Variants in WWC1 observed in about 807,000 individuals in gnomAD.
WWC1 encodes WW and C2 domain containing 1, also known as protein KIBRA.
WWC1 carries 55 observed loss-of-function variants against 138.4 expected under a neutral mutation model. The observed-to-expected ratio is 0.40, with a 90% confidence interval of 0.32 to 0.50. The LOEUF is 0.50. Among genes scored for constraint, WWC1 ranks in the 20% least tolerant of loss-of-function variants. The probability of loss-of-function intolerance (pLI) is 0.72; values close to 1 mark genes in which losing one functional copy is unlikely to be tolerated. For missense variants in WWC1, 1,226 were observed against 1,420.4 expected (o/e 0.86, Z 2.20); for synonymous variants, 524 against 564.9 (o/e 0.93, Z 1.03).
In WWC1 at chr5:168,469,900, A is replaced by T. The variant is rs1757598785; in HGVS notation, c.*883A>T. The T allele has an allele frequency of 6.6e-6, 1 of 151,566 alleles. No individual in the cohort carries two copies. Among genetic ancestry groups the T allele is most frequent in the Non-Finnish European group, 1.5e-5 (1 of 67,942 alleles). The allele number at this position is 151,566 out of a possible 1,614,324, so 9.4% of individuals were successfully genotyped here. A position where few individuals can be genotyped will look rare whatever the true frequency, so the allele number is the denominator to read the frequency against. On this transcript the variant is annotated 3_prime_UTR_variant, in exon 23 of 23. Coordinates refer to ENST00000265293, the MANE Select transcript of WWC1 (RefSeq NM_015238.3). ...ATTTTTTCTTTTGCCCACTGTTTTCATTTGCTCATTAAATTAAAATGACTG... is the reference window on the plus strand; with the variant it reads ...ATTTTTTCTTTTGCCCACTGTTTTCTTTTGCTCATTAAATTAAAATGACTG...
At chr5:168,317,359 A>C (rs1449433458) in intron 1 of WWC1, among the ~76,000 whole-genome samples, 1 of 152,210 alleles carries the variant, frequency 6.6e-6, no homozygotes, top group Non-Finnish European at 1.5e-5. Flanking sequence ...TCCGGGGTGC[A>C]GTGCCTGGAA....
chr5:168,421,712 G>T (rs985727918), intron 9 of WWC1, among the ~76,000 whole-genome samples: 1 of 152,232 alleles, frequency 6.6e-6, no homozygotes, highest in African/African-American at 2.4e-5. Flanking sequence ...TAAGGGCCTC[G>T]ATTTCCTCTT....
chr5:168,369,580 A>G lies in WWC1; in HGVS notation c.120-1844A>G, dbSNP rs769213711. Among the ~76,000 whole-genome samples the G allele has an allele frequency of 1.3e-3, 191 of 152,114 alleles. 2 individuals carry two copies. The highest frequency in any genetic ancestry group is 8.8e-4 in the Non-Finnish European group (60 of 68,012). The stretch of plus-strand genomic sequence containing the variant: ...ACCATACCCGGCTAATTTAGCACAT[A>G]GTGTATTGCACATCACATACCTCTG... On this transcript the variant is annotated intron_variant, in intron 1 of 22. Transcript: ENST00000265293.
chr5:168,345,263 C>T (rs770394638), intron 1 of WWC1, among the ~76,000 whole-genome samples: 13 of 152,176 alleles, frequency 8.5e-5, no homozygotes, highest in Admixed American at 2.0e-4. Flanking sequence ...CACCACCATG[C>T]CTGGCTAATT....
intron 11 of WWC1, among the ~76,000 whole-genome samples, chr5:168,425,874 A>G (rs1452866439): frequency 6.6e-6 from 1 of 152,192 alleles, no homozygotes; most frequent in Non-Finnish European, 1.5e-5. Flanking sequence ...TTAGTCCCAC[A>G]GAGTGAAATG....
rs143620497 is a variant in WWC1 at position 168,367,992 on chromosome 5, T to G, written c.120-3432T>G. On this transcript the variant is annotated intron_variant, in intron 1 of 22. Coordinates refer to ENST00000265293, the MANE Select transcript of WWC1 (RefSeq NM_015238.3). ...ACTCTCTTCAGGCAAAATGTCATACTGTAACAGTATCCTGTAGCTTTTATC... is the reference window on the plus strand; with the variant it reads ...ACTCTCTTCAGGCAAAATGTCATACGGTAACAGTATCCTGTAGCTTTTATC... Among the ~76,000 whole-genome samples, 753 of 152,246 alleles carry G rather than the reference T, an allele frequency of 4.9e-3. 13 individuals carry two copies. Among genetic ancestry groups the G allele is most frequent in the Admixed American group, 0.042 (636 of 15,290 alleles).
At chr5:168,445,466 G>A (rs1311156525) in intron 17 of WWC1, among the ~76,000 whole-genome samples, 2 of 151,920 alleles carry the variant, frequency 1.3e-5, no homozygotes, top group African/African-American at 2.4e-5. Flanking sequence ...TTGGGAGGCC[G>A]AGGCAGATGG....
chr5:168,422,172 G>T (rs1159041152), intron 10 of WWC1, 75 bp downstream of exon 10: 3 of 1,430,702 alleles, frequency 2.1e-6, no homozygotes, highest in Middle Eastern at 2.2e-4. Context: ...CCCAGCCCAG[G>T]CTCTACCCTT....
chr5:168,425,199 C>T (rs575621044), intron 11 of WWC1, among the ~76,000 whole-genome samples: 7 of 152,232 alleles, frequency 4.6e-5, no homozygotes, highest in African/African-American at 1.7e-4. Context: ...AACCCAACCC[C>T]CTTATTGTCA....
intron 7 of WWC1, 132 bp downstream of exon 7, chr5:168,408,785 T>C: frequency 8.0e-7 from 1 of 1,249,054 alleles, no homozygotes; most frequent in Non-Finnish European, 1.1e-6. Flanking sequence ...GGCTGCTGCC[T>C]CAGCCCTCTG....
chr5:168,462,488 G>T (rs368688637), intron 20 of WWC1, among the ~76,000 whole-genome samples: 2 of 152,202 alleles, frequency 1.3e-5, no homozygotes, highest in East Asian at 3.8e-4. Context: ...GGCAGCTGGC[G>T]TGGGCCCTGA....
At chr5:168,427,038 G>C (rs1286072516) in intron 11 of WWC1, among the ~76,000 whole-genome samples, 1 of 152,216 alleles carries the variant, frequency 6.6e-6, no homozygotes, top group Non-Finnish European at 1.5e-5. Context: ...GTTAAGGTTA[G>C]GGAAGAGGAG....
intron 20 of WWC1, among the ~76,000 whole-genome samples, chr5:168,461,949 G>A (rs1175020817): frequency 1.3e-5 from 2 of 151,964 alleles, no homozygotes; most frequent in African/African-American, 4.8e-5. Flanking sequence ...CCAGCTACTC[G>A]GGAGGCTGAG....
intron 3 of WWC1, among the ~76,000 whole-genome samples, chr5:168,393,125 T>G (rs1050979757): frequency 6.6e-6 from 1 of 150,808 alleles, no homozygotes; most frequent in Non-Finnish European, 1.5e-5. Context: ...GAAAAAAAAA[T>G]AGACTACAAG....
At position 168,346,960 on chromosome 5, in the gene WWC1, C is replaced by T. The variant is rs376028230; in HGVS notation, c.120-24464C>T. On this transcript the variant is annotated intron_variant, in intron 1 of 22. Coordinates refer to ENST00000265293, the MANE Select transcript of WWC1 (RefSeq NM_015238.3). ...TGAGGGTCTTAGGGTCTTGCTCATG[C>T]AGGGCAGGAAGAGCTGAGCAGGGGA... 5.3e-5 allele frequency among the ~76,000 whole-genome samples: 8 copies of T among 152,244 alleles called. No homozygotes were observed. The East Asian group carries it at 1.6e-3, about 30-fold the overall frequency.
At chr5:168,357,460 G>A (rs1364402545) in intron 1 of WWC1, among the ~76,000 whole-genome samples, 3 of 40,260 alleles carry the variant, frequency 7.5e-5, no homozygotes, top group Admixed American at 3.2e-4. Flanking sequence ...GTGTGTGTGT[G>A]TGTGTGTGTG....
intron 1 of WWC1, among the ~76,000 whole-genome samples, chr5:168,364,381 C>T (rs1001806516): frequency 1.3e-5 from 2 of 152,170 alleles, no homozygotes; most frequent in African/African-American, 4.8e-5. Flanking sequence ...TGGCCTTTCG[C>T]GTCTATACTG....
chr5:168,402,723 G>T (rs1416854219), intron 5 of WWC1, among the ~76,000 whole-genome samples: 1 of 152,198 alleles, frequency 6.6e-6, no homozygotes, highest in Non-Finnish European at 1.5e-5. Flanking sequence ...GCAGGTGACA[G>T]GGCTGAAACC....
intron 4 of WWC1, among the ~76,000 whole-genome samples, chr5:168,399,282 G>A (rs1398096580): frequency 6.6e-6 from 1 of 152,152 alleles, no homozygotes; most frequent in Non-Finnish European, 1.5e-5. Context: ...ACACTGCCTG[G>A]GATGCTGACT....
Sources: allele counts gnomAD v4.1 joint callset (sites outside exome capture counted in the v4.1 genomes callset), GRCh38; gene constraint gnomAD v4.1.1; transcripts MANE v1.5; gene names NCBI Gene and HGNC (gene_info 2026-07-23, HGNC 2026-07-21).